The following TEKT4 variants were observed in gnomAD, a reference collection of about 807,000 sequenced individuals.
The protein encoded by TEKT4 is tektin-4.
A neutral mutation model predicts 46.0 loss-of-function variants in TEKT4; 46 were observed. The observed-to-expected ratio is 1.00, with a 90% CI of 0.79 to 1.28. The LOEUF (loss-of-function observed/expected upper bound fraction) is 1.28, where lower values mean the gene tolerates loss of function less well. Ranked by LOEUF, TEKT4 falls within the 50% of genes most tolerant of loss-of-function variation. The pLI, the probability that TEKT4 is intolerant of heterozygous loss-of-function variation, is 0.00. For synonymous variants in TEKT4, 325 were observed against 265.8 expected, an observed-to-expected ratio of 1.22 and a Z score of -2.17; for missense variants, 790 against 622.9, an observed-to-expected ratio of 1.27 and a Z score of -2.85.
At chr2:94,873,921 C>A (rs1265368502) in intron 2 of TEKT4, 44 bp from the exon 3 acceptor site, 1 of 1,609,690 alleles carries the variant, frequency 6.2e-7, no homozygotes, top group Non-Finnish European at 8.5e-7. Context: ...CCCAGCAGGG[C>A]CCTCCCTGGG....
chr2:94,872,020 T>C lies in TEKT4; in HGVS notation c.441T>C (p.Arg147=). 6.3e-7 allele frequency: 1 copy of C among 1,576,514 alleles called. No individual in the cohort carries two copies. The highest frequency in any genetic ancestry group is 8.6e-7 in the Non-Finnish European group (1 of 1,162,082). ...TCACCACTGACAACCTGCAGTGCCG[T>C]GAGCGCCGCGAGCACCCCAACCTCG... ...FSITTDNLQC[R]ERREHPNLVR... Residue 147 remains arginine, a synonymous_variant, in exon 1 of 6, where the codon CGT becomes CGC. Coordinates refer to ENST00000295201, the MANE Select transcript of TEKT4 (RefSeq NM_144705.4).
chr2:94,871,673 G>C lies in TEKT4; in HGVS notation c.94G>C (p.Ala32Pro). 6.2e-7 allele frequency: 1 copy of C among 1,612,550 alleles called. No homozygotes were observed. Among genetic ancestry groups the C allele is most frequent in the Admixed American group, 1.7e-5 (1 of 60,030 alleles). Residue 32 changes from alanine to proline, a missense_variant, in exon 1 of 6, where the codon GCC (alanine) becomes CCC (proline). Transcript: ENST00000295201. ...CTACACGTCCTCCGGCCTGGCCACC[G>C]CCAGCTTCCGCACCTCCAAGTACCT... ...GAYTSSGLAT[A>P]SFRTSKYLLE...
Position 94,876,540 on chromosome 2 carries a change from C to A in TEKT4, c.1092-13C>A, listed in dbSNP as rs202020542. On this transcript the variant is annotated splice_polypyrimidine_tract_variant and intron_variant, in intron 5 of 5. Coordinates refer to ENST00000295201, the MANE Select transcript of TEKT4 (RefSeq NM_144705.4). ...CTCCCTAGCCCCGGCTCACACCCCC[C>A]CAACACCCCCAGGCTGTTGAGTGAG... is the stretch of plus-strand genomic sequence containing the variant. 5.6e-6 allele frequency: 9 copies of A among 1,595,012 alleles called. No homozygotes were observed. Among genetic ancestry groups the A allele is most frequent in the Non-Finnish European group, 7.7e-6 (9 of 1,172,246 alleles).
In TEKT4 at chr2:94,875,580, G is replaced by A. The variant is rs1553396191; in HGVS notation, c.937-8G>A. 6.2e-7 allele frequency: 1 copy of A among 1,614,104 alleles called. No individual in the cohort carries two copies. The highest frequency in any genetic ancestry group is 2.2e-5 in the East Asian group (1 of 44,882). On this transcript the variant is annotated splice_polypyrimidine_tract_variant and splice_region_variant and intron_variant, in intron 4 of 5. Transcript: ENST00000295201. ...GCACAGGCCCAAGGAGAACTGTCCT[G>A]TCTGCAGACACTGCGGGAAATCACA...
At chr2:94,874,732 G>T in intron 3 of TEKT4, 44 bp from the exon 4 acceptor site, 1 of 1,492,420 alleles carries the variant, frequency 6.7e-7, no homozygotes. Context: ...CCAGCCTTCG[G>T]CAGAGCCTCC....
Position 94,871,823 on chromosome 2 carries a change from C to A in TEKT4, c.244C>A (p.Arg82Ser), listed in dbSNP as rs80243548. 1.1e-5 allele frequency: 17 copies of A among 1,608,618 alleles called. No homozygotes were observed. The highest frequency in any genetic ancestry group is 6.7e-5 in the African/African-American group (5 of 75,010). ...LATETQALAQ[R>S]TQQDSTRTVG... ...CACAGAGACCCAGGCGCTGGCGCAG[C>A]GCACGCAGCAAGACTCCACGCGCAC... Residue 82 changes from arginine to serine, a missense_variant, in exon 1 of 6, where the codon CGC (arginine) becomes AGC (serine). Physicochemically the swap from Arg to Ser is moderately radical, Grantham distance 110. Transcript: ENST00000295201.
chr2:94,872,701 T>C lies in TEKT4; in HGVS notation c.498+624T>C. ...ACCACTACAGGCCTGTAGACATTCG[T>C]GAAAGATGTGGGGTGGGGGCAGCTG... On this transcript the variant is annotated intron_variant, in intron 1 of 5. Transcript: ENST00000295201. The C allele has an allele frequency of 5.8e-6, 4 of 692,858 alleles. No individual in the cohort carries two copies. In the South Asian group the frequency reaches 6.7e-5, roughly 12 times the overall value. The allele number at this position is 692,858 out of a possible 1,614,324, so 42.9% of individuals were successfully genotyped here.
At chr2:94,874,201 C>G in intron 3 of TEKT4, 93 bp downstream of exon 3, 1 of 1,437,526 alleles carries the variant, frequency 7.0e-7, no homozygotes, top group East Asian at 2.3e-5. Context: ...ACCAGCCTGG[C>G]CCGGAGGCCC....
At position 94,872,024 on chromosome 2, in the gene TEKT4, C is replaced by T. The variant is rs782507268; in HGVS notation, c.445C>T (p.Arg149Cys). Residue 149 changes from arginine (R) to cysteine (C), a missense_variant, in exon 1 of 6, where the codon CGC becomes TGC. Coordinates refer to ENST00000295201, the MANE Select transcript of TEKT4 (RefSeq NM_144705.4). ...ITTDNLQCRE[R>C]REHPNLVRDH... is the part of the protein sequence containing the mutation. ...CACTGACAACCTGCAGTGCCGTGAGCGCCGCGAGCACCCCAACCTCGTGCG... is the reference window on the plus strand; with the variant it reads ...CACTGACAACCTGCAGTGCCGTGAGTGCCGCGAGCACCCCAACCTCGTGCG... The T allele has an allele frequency of 7.0e-6, 11 of 1,571,896 alleles. No homozygotes were observed. The highest frequency in any genetic ancestry group is 4.7e-5 in the East Asian group (2 of 42,524).
chr2:94,873,949 C>A lies in TEKT4; in HGVS notation c.570-16C>A, dbSNP rs1680699417. The A allele has an allele frequency of 6.2e-7, 1 of 1,612,524 alleles. No homozygotes were observed. The highest frequency in any genetic ancestry group is 8.5e-7 in the Non-Finnish European group (1 of 1,179,434). The stretch of plus-strand genomic sequence containing the variant: ...TCCCTGGGCACACATCAAGGCCCTG[C>A]CCCACCCCGCCCCAGACTGAACCGG... On this transcript the variant is annotated splice_polypyrimidine_tract_variant and intron_variant, in intron 2 of 5. Coordinates refer to ENST00000295201, the MANE Select transcript of TEKT4 (RefSeq NM_144705.4).
At chr2:94,872,130 C>A in intron 1 of TEKT4, 53 bp downstream of exon 1, 2 of 1,474,240 alleles carry the variant, frequency 1.4e-6, no homozygotes, top group South Asian at 2.7e-5. Context: ...GGAGGAGCCC[C>A]CCCCCCCGCA....
chr2:94,874,383 G>A (rs1212261039), intron 3 of TEKT4, among the ~76,000 whole-genome samples: 32 of 152,082 alleles, frequency 2.1e-4, no homozygotes, highest in Non-Finnish European at 3.8e-4. Context: ...CCAGCAGAGG[G>A]AGCCTGACCA....
chr2:94,871,438 C>A lies in TEKT4; in HGVS notation c.-142C>A, dbSNP rs1431880422. 9.4e-6 allele frequency: 10 copies of A among 1,067,118 alleles called. No individual in the cohort carries two copies. The highest frequency in any genetic ancestry group is 1.3e-5 in the Non-Finnish European group (10 of 765,764). The allele number at this position is 1,067,118 out of a possible 1,614,324, so 66.1% of individuals were successfully genotyped here. The stretch of plus-strand genomic sequence containing the variant: ...GGCAACAGGAAGCTCTTGGTTTACA[C>A]AGTGTCACCCAAGCGACTGGGAGCC... On this transcript the variant is annotated 5_prime_UTR_variant, in exon 1 of 6. Transcript: ENST00000295201.
At chr2:94,875,833 C>T in intron 5 of TEKT4, 91 bp downstream of exon 5, 1 of 1,343,124 alleles carries the variant, frequency 7.4e-7, no homozygotes. Flanking sequence ...ACCCCGCACA[C>T]ACATCCCCCG....
intron 5 of TEKT4, 93 bp downstream of exon 5, chr2:94,875,835 C>A: frequency 7.6e-7 from 1 of 1,316,578 alleles, no homozygotes; most frequent in Non-Finnish European, 1.1e-6. Flanking sequence ...CCCGCACACA[C>A]ATCCCCCGCA....
At chr2:94,872,261 A>G (rs112151143) in intron 1 of TEKT4, 184 bp downstream of exon 1, 1 of 707,790 alleles carries the variant, frequency 1.4e-6, no homozygotes, top group Non-Finnish European at 2.3e-6. Context: ...GCCCCAGAAG[A>G]CCCCTGACTT....
intron 3 of TEKT4, among the ~76,000 whole-genome samples, chr2:94,874,425 G>T (rs1488282420): frequency 6.6e-6 from 1 of 151,848 alleles, no homozygotes; most frequent in Non-Finnish European, 1.5e-5. Flanking sequence ...ACTCCTGGGA[G>T]CAAAAAGAGG....
intron 5 of TEKT4, among the ~76,000 whole-genome samples, chr2:94,876,059 CAG>C (rs1185105722): frequency 6.6e-6 from 1 of 152,214 alleles, no homozygotes; most frequent in Non-Finnish European, 1.5e-5. Flanking sequence ...GCCACAGAGC[CAG>C]AGAGGCCAGG....
Position 94,871,665 on chromosome 2 carries a change from T to C in TEKT4, c.86T>C (p.Leu29Pro). The C allele has an allele frequency of 3.1e-6, 5 of 1,612,580 alleles. No individual in the cohort carries two copies. The highest frequency in any genetic ancestry group is 2.2e-5 in the East Asian group (1 of 44,854). ...ACGGGCGCCTACACGTCCTCCGGCC[T>C]GGCCACCGCCAGCTTCCGCACCTCC... Reference protein sequence around the residue: ...RNTGAYTSSGLATASFRTSKY... With the variant: ...RNTGAYTSSGPATASFRTSKY... The change falls in exon 1 of 6, where the codon CTG becomes CCG. Residue 29 changes from leucine to proline, a missense_variant. Leu to Pro is a moderately conservative substitution (Grantham distance 98). Transcript: ENST00000295201.
Sources: allele counts gnomAD v4.1 joint callset (sites outside exome capture counted in the v4.1 genomes callset), GRCh38; gene constraint gnomAD v4.1.1; transcripts MANE v1.5; gene names NCBI Gene and HGNC (gene_info 2026-07-23, HGNC 2026-07-21).